The following EVC2 variants were observed in gnomAD, a reference collection of about 807,000 sequenced individuals.
EVC2 encodes EvC ciliary complex subunit 2.
A neutral mutation model predicts 149.3 loss-of-function variants in EVC2; 148 were observed. The ratio of observed to expected loss-of-function variants is 0.99; its 90% CI spans 0.87 to 1.14. EVC2 has a LOEUF of 1.14. EVC2 is among the 50% of genes most tolerant of loss of function. EVC2 has a pLI of 0.00. For synonymous variants in EVC2, 776 were observed against 649.9 expected (o/e 1.19, Z -2.95); for missense variants, 1,854 against 1,627.3 (o/e 1.14, Z -2.40).
At chr4:5,623,198 C>T (rs1305642026) in intron 13 of EVC2, among the ~76,000 whole-genome samples, 6 of 152,122 alleles carry the variant, frequency 3.9e-5, no homozygotes, top group Admixed American at 1.3e-4. Flanking sequence ...TGCAATGGTG[C>T]GATCTCGGCT....
chr4:5,650,638 T>TATATATATAGAGAGAGAGAG (rs1162935817), intron 9 of EVC2, among the ~76,000 whole-genome samples: 2 of 45,100 alleles, frequency 4.4e-5, no homozygotes, highest in Admixed American at 3.0e-4. Context: ...TATATATATA[T>TATATATATAGAGAGAGAGAG]AGAGAGAGAG....
Position 5,679,337 on chromosome 4 carries a change from G to A in EVC2, c.870+1923C>T, listed in dbSNP as rs996337902. On this transcript the variant is annotated intron_variant, in intron 7 of 21. Transcript: ENST00000344408. The surrounding 1 kb of genome is among the most constrained non-coding windows in gnomAD (Gnocchi z 5.1). ...TGCAACCTCCGCCTCCCAGGTTCAA[G>A]CAATTCGCATGTCTCAGTCTCCCGA... is the stretch of plus-strand genomic sequence containing the variant. Among the ~76,000 whole-genome samples, 9 of 152,110 alleles carry A rather than the reference G, an allele frequency of 5.9e-5. No individual in the cohort carries two copies. Among genetic ancestry groups the A allele is most frequent in the African/African-American group, 2.2e-4 (9 of 41,418 alleles).
chr4:5,538,403 T>C (rs951910530), downstream of EVC2, among the ~76,000 whole-genome samples: 1 of 152,074 alleles, frequency 6.6e-6, no homozygotes, highest in African/African-American at 2.4e-5. Context: ...AAGGAAGAAA[T>C]AATACCAATT....
intron 21 of EVC2, among the ~76,000 whole-genome samples, chr4:5,549,829 T>C (rs1721699025): frequency 6.6e-6 from 1 of 152,202 alleles, no homozygotes; most frequent in South Asian, 2.1e-4. Context: ...AATCTAATCT[T>C]GAATTCCCAC....
At position 5,664,652 on chromosome 4, in the gene EVC2, C is replaced by T. The variant is rs189301960; in HGVS notation, c.1005+863G>A. On this transcript the variant is annotated intron_variant, in intron 8 of 21. Transcript: ENST00000344408. ...CAAGAAGCAGGGACAAAATGAACAA[C>T]AGGCTCCTCACCCAGGCTGGGGTGG... Among the ~76,000 whole-genome samples the T allele has an allele frequency of 9.2e-5, 14 of 152,306 alleles. No individual in the cohort carries two copies. The East Asian group carries it at 2.3e-3, about 25-fold the overall frequency.
At position 5,708,291 on chromosome 4, in the gene EVC2, T is replaced by A. The variant is rs1165261008; in HGVS notation, c.223A>T (p.Thr75Ser). 1.4e-6 allele frequency: 2 copies of A among 1,476,916 alleles called. No individual in the cohort carries two copies. Among genetic ancestry groups the A allele is most frequent in the Non-Finnish European group, 1.8e-6 (2 of 1,118,710 alleles). 91.5% of individuals were successfully genotyped at this position (1,476,916 alleles called of 1,614,324 possible). ...TGGGGTCGGGCCCTCCTTACCTGCGTGCTGCTCTCGGGCCCCGCCCCGCTC... is the reference window on the plus strand; with the variant it reads ...TGGGGTCGGGCCCTCCTTACCTGCGAGCTGCTCTCGGGCCCCGCCCCGCTC... ...GRSGAGPESS[T>S]QDLPCMIWPK... Residue 75 changes from threonine to serine, a missense_variant, in exon 1 of 22, where the codon ACG (threonine) becomes TCG (serine). Coordinates refer to ENST00000344408, the MANE Select transcript of EVC2 (RefSeq NM_147127.5).
chr4:5,619,763 C>T (rs1223220782), intron 14 of EVC2, among the ~76,000 whole-genome samples: 1 of 152,200 alleles, frequency 6.6e-6, no homozygotes, highest in Admixed American at 6.5e-5. Context: ...AATGGCCATA[C>T]AATTGCTTTC....
Position 5,677,604 on chromosome 4 carries a change from C to T in EVC2, c.870+3656G>A, listed in dbSNP as rs905897269. ...TCAATTCCATCCATAAGTGAGCCTG[C>T]GGCATCGGGGAAGAGCTCAGAAATA... On this transcript the variant is annotated intron_variant, in intron 7 of 21. Coordinates refer to ENST00000344408, the MANE Select transcript of EVC2 (RefSeq NM_147127.5). The surrounding 1 kb of genome is among the most constrained non-coding windows in gnomAD (Gnocchi z 4.3). 7.9e-5 allele frequency among the ~76,000 whole-genome samples: 12 copies of T among 152,222 alleles called. No homozygotes were observed. The highest frequency in any genetic ancestry group is 2.9e-4 in the African/African-American group (12 of 41,456).
Position 5,653,652 on chromosome 4 carries a change from A to T in EVC2, c.1145+9455T>A, listed in dbSNP as rs147966293. On this transcript the variant is annotated intron_variant, in intron 9 of 21. Transcript: ENST00000344408. ...TGTGAACTTTAGCTAATAATAATGT[A>T]TCAATATTGGATCATTCACTGTAAC... is the stretch of plus-strand genomic sequence containing the variant. 8.0e-3 allele frequency among the ~76,000 whole-genome samples: 1,226 copies of T among 152,314 alleles called. 26 individuals carry two copies. The highest frequency in any genetic ancestry group is 0.028 in the African/African-American group (1,151 of 41,564).
rs115707002 is a variant in EVC2 at position 5,637,517 on chromosome 4, G to C, written c.1470+2997C>G. Among the ~76,000 whole-genome samples, 1,292 of 152,290 alleles carry C rather than the reference G, an allele frequency of 8.5e-3. 15 individuals are homozygous for C. Among genetic ancestry groups the C allele is most frequent in the African/African-American group, 0.029 (1,217 of 41,566 alleles). On this transcript the variant is annotated intron_variant, in intron 10 of 21. Coordinates refer to ENST00000344408, the MANE Select transcript of EVC2 (RefSeq NM_147127.5). The surrounding 1 kb of genome is among the most constrained non-coding windows in gnomAD (Gnocchi z 4.4). ...CATGCATGCTAAGGAAGGATGAGCTGTTATTGTTACACATCGTATTTTTTA... is the reference window on the plus strand; with the variant it reads ...CATGCATGCTAAGGAAGGATGAGCTCTTATTGTTACACATCGTATTTTTTA...
Position 5,574,848 on chromosome 4 carries a change from TAAC to T in EVC2, c.3273-79_3273-77del, listed in dbSNP as rs1412625668. 21 of 1,424,356 alleles carry T rather than the reference TAAC, an allele frequency of 1.5e-5. No individual in the cohort carries two copies. In the African/African-American group the frequency reaches 2.5e-4, roughly 17 times the overall value. 88.2% of individuals were successfully genotyped at this position (1,424,356 alleles called of 1,614,324 possible). A position where few individuals can be genotyped will look rare whatever the true frequency, so the allele number is the denominator to read the frequency against. ...CTATGAGATCATCTAGTTATTTAAA[TAAC>T]AAAGAAGCACACATCTCAGCCATAT... On this transcript the variant is annotated intron_variant, in intron 18 of 21. Transcript: ENST00000344408.
intron 21 of EVC2, among the ~76,000 whole-genome samples, chr4:5,546,800 C>T (rs1721631482): frequency 6.6e-6 from 1 of 152,010 alleles, no homozygotes; most frequent in Non-Finnish European, 1.5e-5. Context: ...GCAGCAGCAG[C>T]CTGTCTAGAG....
intron 16 of EVC2, among the ~76,000 whole-genome samples, chr4:5,609,875 C>T (rs144390896): frequency 2.6e-5 from 4 of 152,266 alleles, no homozygotes; most frequent in South Asian, 2.1e-4. Context: ...GGAACCTGGG[C>T]GAAGTCACTA....
At chr4:5,609,734 C>G (rs138425177) in intron 16 of EVC2, among the ~76,000 whole-genome samples, 1 of 152,208 alleles carries the variant, frequency 6.6e-6, no homozygotes, top group Non-Finnish European at 1.5e-5. Context: ...GGGAAATAAC[C>G]GCCATTGTTT....
In EVC2 at chr4:5,661,612, G is replaced by A. The variant is rs140089128; in HGVS notation, c.1145+1495C>T. Among the ~76,000 whole-genome samples, 1,355 of 152,168 alleles carry A rather than the reference G, an allele frequency of 8.9e-3. 12 individuals are homozygous for A. The highest frequency in any genetic ancestry group is 0.014 in the South Asian group (65 of 4,810). The stretch of plus-strand genomic sequence containing the variant: ...GATTGAGATTTTTGGCCAAAACAAC[G>A]GAAAATTAAAGAAAACATAAAGAAG... On this transcript the variant is annotated intron_variant, in intron 9 of 21. Transcript: ENST00000344408.
chr4:5,631,471 C>A (rs1453872305), intron 11 of EVC2, among the ~76,000 whole-genome samples: 2 of 152,098 alleles, frequency 1.3e-5, no homozygotes, highest in African/African-American at 4.8e-5. Flanking sequence ...TCCATCACAC[C>A]CTCGTGGGTG....
intron 3 of EVC2, among the ~76,000 whole-genome samples, chr4:5,692,853 G>A (rs1474412479): frequency 3.4e-5 from 4 of 117,536 alleles, no homozygotes; most frequent in Non-Finnish European, 4.8e-5. Flanking sequence ...CGGCCTGGGC[G>A]ACAGAGCGAG....
At chr4:5,587,593 GCAGACAAAACCCCT>G (rs1167250181) in intron 16 of EVC2, among the ~76,000 whole-genome samples, 5 of 152,118 alleles carry the variant, frequency 3.3e-5, no homozygotes, top group Admixed American at 3.3e-4. Context: ...GGGAAGAGCC[GCAGACAAAACCCCT>G]CAGACACCGA....
chr4:5,595,148 G>T (rs1371394618), intron 16 of EVC2, among the ~76,000 whole-genome samples: 1 of 152,176 alleles, frequency 6.6e-6, no homozygotes, highest in East Asian at 1.9e-4. Flanking sequence ...CACTCTGAAG[G>T]ATATTATCCA....
Sources: allele counts gnomAD v4.1 joint callset (sites outside exome capture counted in the v4.1 genomes callset), GRCh38; gene constraint gnomAD v4.1.1; non-coding constraint Gnocchi (gnomAD v3.1); transcripts MANE v1.5; gene names NCBI Gene and HGNC (gene_info 2026-07-23, HGNC 2026-07-21).